Variants in PDE1C observed in about 807,000 individuals in gnomAD.
The protein encoded by PDE1C is phosphodiesterase 1C, also known as dual specificity calcium/calmodulin-dependent 3',5'-cyclic nucleotide phosphodiesterase 1C.
Under a neutral mutation model 93.1 loss-of-function variants are expected in PDE1C, and 62 were observed. The ratio of observed to expected loss-of-function variants is 0.67; its 90% confidence interval spans 0.54 to 0.82. The LOEUF (loss-of-function observed/expected upper bound fraction) is 0.82. Ranked by LOEUF, PDE1C falls within the 40% of genes least tolerant of loss-of-function variation. The pLI, the probability that PDE1C is intolerant of heterozygous loss-of-function variation, is 0.00. For synonymous variants in PDE1C, 325 were observed against 310.1 expected (o/e 1.05, Z -0.50); for missense variants, 742 against 884.6 (o/e 0.84, Z 2.04).
chr7:31,651,558 G>T, the PDE1C span, among the ~76,000 whole-genome samples: 1 of 152,092 alleles, frequency 6.6e-6, no homozygotes, highest in African/African-American at 2.4e-5. Context: ...TGCAAATGTG[G>T]GAGTTATGAG....
chr7:32,300,420 A>G (rs1405275755), upstream of PDE1C, among the ~76,000 whole-genome samples: 3 of 152,190 alleles, frequency 2.0e-5, no homozygotes, highest in Non-Finnish European at 2.9e-5. Flanking sequence ...GCATGCAGTC[A>G]GGGGTGTTTC....
chr7:32,322,991 G>A (rs554500059), intron 1 of PDE1C, among the ~76,000 whole-genome samples: 1 of 152,230 alleles, frequency 6.6e-6, no homozygotes, highest in Admixed American at 6.5e-5. Context: ...GTGGTTTGAG[G>A]AAAGGGACCA....
chr7:31,720,674 A>G, the PDE1C span, among the ~76,000 whole-genome samples: 137 of 152,328 alleles, frequency 9.0e-4, no homozygotes, highest in South Asian at 1.9e-3. Context: ...GTCGTTCTTG[A>G]ACAAATGCAC....
intron 2 of PDE1C, among the ~76,000 whole-genome samples, chr7:31,967,803 C>T (rs147682461): frequency 0.014 from 2,190 of 152,284 alleles, 21 homozygotes; most frequent in Middle Eastern, 0.037. Context: ...GCTGGTTCAA[C>T]ATACGCAAAT....
chr7:32,283,806 T>C (rs1334313216), intron 1 of PDE1C, among the ~76,000 whole-genome samples: 1 of 152,208 alleles, frequency 6.6e-6, no homozygotes, highest in East Asian at 1.9e-4. Context: ...CAGTAATTAC[T>C]ACAAGTTTCC....
Position 32,267,582 on chromosome 7 carries a change from A to ACTCTCTCT in PDE1C, c.85+31068_85+31069insAGAGAGAG, listed in dbSNP as rs1562634837. On this transcript the variant is annotated intron_variant, in intron 1 of 18. Coordinates refer to the PDE1C transcript ENST00000396193. ...CTCTTTCTCTCTCTCTCACACACAC[A>ACTCTCTCT]CACACTCTCTCTCTCTCTCTCTCTC... Among the ~76,000 whole-genome samples the ACTCTCTCT allele has an allele frequency of 8.2e-3, 576 of 70,328 alleles. 3 individuals carry two copies. The highest frequency in any genetic ancestry group is 0.042 in the Middle Eastern group (6 of 142). The allele number at this position is 70,328 out of a possible 152,430, so 46.1% of individuals were successfully genotyped here.
chr7:32,416,394 G>A (rs959289353), intron 1 of PDE1C, among the ~76,000 whole-genome samples: 2 of 152,170 alleles, frequency 1.3e-5, no homozygotes, highest in Admixed American at 1.3e-4. Context: ...GTTCCTCCAG[G>A]AGACTCACAA....
the PDE1C span, among the ~76,000 whole-genome samples, chr7:31,622,196 C>T: frequency 0.33 from 42,586 of 131,014 alleles, 7,854 homozygotes; most frequent in Non-Finnish European, 0.42. Flanking sequence ...GACAGATCAA[C>T]GAGAGAGAAA....
At chr7:32,009,658 TC>T (rs1786806057) in intron 2 of PDE1C, among the ~76,000 whole-genome samples, 1 of 152,192 alleles carries the variant, frequency 6.6e-6, no homozygotes, top group Non-Finnish European at 1.5e-5. Flanking sequence ...CTGCTAATAT[TC>T]AACATTATTA....
intron 3 of PDE1C, among the ~76,000 whole-genome samples, chr7:32,134,941 T>C (rs1471364338): frequency 6.6e-6 from 1 of 152,030 alleles, no homozygotes; most frequent in African/African-American, 2.4e-5. Flanking sequence ...AATAAATAAA[T>C]AGTTAACTGT....
At chr7:31,927,510 T>A (rs2128971999) in intron 2 of PDE1C, among the ~76,000 whole-genome samples, 1 of 152,246 alleles carries the variant, frequency 6.6e-6, no homozygotes, top group East Asian at 1.9e-4. Flanking sequence ...GGGAGATACC[T>A]CCCAGCAGGG....
intron 3 of PDE1C, among the ~76,000 whole-genome samples, chr7:32,082,758 T>A (rs1479607397): frequency 6.6e-6 from 1 of 152,212 alleles, no homozygotes. Context: ...GAAGTGGACC[T>A]CTAGCAAACT....
intron 1 of PDE1C, among the ~76,000 whole-genome samples, chr7:32,287,647 C>T (rs61363551): frequency 0.13 from 20,497 of 152,210 alleles, 1,552 homozygotes; most frequent in East Asian, 0.31. Flanking sequence ...ACGACCCATG[C>T]GCAGGCAGGG....
At chr7:32,115,384 C>T (rs1034076551) in intron 3 of PDE1C, among the ~76,000 whole-genome samples, 7 of 152,194 alleles carry the variant, frequency 4.6e-5, no homozygotes, top group African/African-American at 1.4e-4. Flanking sequence ...AACCAAACAC[C>T]GCATGTTCTC....
At chr7:31,666,405 T>C in the PDE1C span, among the ~76,000 whole-genome samples, 1 of 152,328 alleles carries the variant, frequency 6.6e-6, no homozygotes, top group East Asian at 1.9e-4. Context: ...GTTCCCTCAT[T>C]AATGAGTTTA....
chr7:32,196,897 G>T (rs73304645), intron 2 of PDE1C, among the ~76,000 whole-genome samples: 8,833 of 152,190 alleles, frequency 0.058, 829 homozygotes, highest in African/African-American at 0.2. Flanking sequence ...TGATTTGTAG[G>T]TTTTCAGTTA....
chr7:31,992,850 A>G (rs1784294655), intron 2 of PDE1C, among the ~76,000 whole-genome samples: 1 of 152,170 alleles, frequency 6.6e-6, no homozygotes, highest in African/African-American at 2.4e-5. Flanking sequence ...ACTTGTCAGG[A>G]TCTTGGGTGG....
intron 3 of PDE1C, among the ~76,000 whole-genome samples, chr7:32,122,700 G>A (rs1176143790): frequency 1.3e-5 from 2 of 152,172 alleles, no homozygotes; most frequent in Non-Finnish European, 2.9e-5. Context: ...GAATCTCTGG[G>A]ACACAGCTAA....
chr7:31,753,177 T>C lies in PDE1C; in HGVS notation c.*207A>G. ...AGTTTGTTGCTGGCGTCTGGGCTGA[T>C]CCCACATACAGCAATTGAAAAGTCT... On this transcript the variant is annotated 3_prime_UTR_variant, in exon 18 of 18. Transcript: ENST00000396191. 2 of 466,726 alleles carry C rather than the reference T, an allele frequency of 4.3e-6. No individual in the cohort carries two copies. 28.9% of individuals were successfully genotyped at this position (466,726 alleles called of 1,614,324 possible).
Sources: gnomAD v4.1 joint callset for allele counts (sites outside exome capture counted in the v4.1 genomes callset) on GRCh38, gnomAD v4.1.1 for gene constraint, MANE v1.5 for transcripts, NCBI Gene and HGNC (gene_info 2026-07-23, HGNC 2026-07-21) for gene names.